Variants in ANGPT1 observed in about 807,000 individuals in gnomAD.
The protein encoded by ANGPT1 is angiopoietin-1.
Under a neutral mutation model 62.2 loss-of-function variants are expected in ANGPT1, and 17 were observed. The ratio of observed to expected loss-of-function variants is 0.27; its 90% CI spans 0.19 to 0.41. The LOEUF (loss-of-function observed/expected upper bound fraction) is 0.41. ANGPT1 is among the 10% of genes least tolerant of loss of function. The probability of loss-of-function intolerance (pLI) is 1.00; values close to 1 mark genes in which losing one functional copy is unlikely to be tolerated. For missense variants in ANGPT1, 478 were observed against 594.9 expected (o/e 0.80, Z 2.04); for synonymous variants, 199 against 198.9 (o/e 1.00, Z 0.00).
intron 1 of ANGPT1, among the ~76,000 whole-genome samples, chr8:107,427,276 T>G (rs1390191449): frequency 6.6e-6 from 1 of 152,168 alleles, no homozygotes; most frequent in African/African-American, 2.4e-5. Flanking sequence ...CAGGGCTGAA[T>G]TTTGTTTCAA....
intron 1 of ANGPT1, among the ~76,000 whole-genome samples, chr8:107,496,435 C>A (rs553246425): frequency 3.9e-5 from 6 of 152,304 alleles, no homozygotes; most frequent in African/African-American, 9.6e-5. Flanking sequence ...TCATACTCAA[C>A]ATTAACATTC....
intron 1 of ANGPT1, among the ~76,000 whole-genome samples, chr8:107,479,460 A>G (rs959473103): frequency 7.9e-5 from 12 of 152,198 alleles, no homozygotes; most frequent in Non-Finnish European, 1.0e-4. Flanking sequence ...TGTTTCATTC[A>G]AGTCCAGATT....
chr8:107,303,355 C>T lies in ANGPT1; in HGVS notation c.821G>A (p.Gly274Glu), dbSNP rs549007148. The T allele has an allele frequency of 2.5e-5, 40 of 1,588,874 alleles. 1 individual carries two copies. The South Asian group carries it at 4.3e-4, about 17-fold the overall frequency. ...LCTKEGVLLKGGKREEEKPFR... is the reference protein window; with the variant it reads ...LCTKEGVLLKEGKREEEKPFR... ...TGGTTTCTCTTCCTCTCTTTTTCCT[C>T]CCTTTAGTAAAACTGCAAAAAAAAA... The change falls in exon 5 of 9, where the codon GGA (glycine) becomes GAA (glutamate). Residue 274 changes from glycine to glutamate, a missense_variant. By Grantham distance (98) the Gly-to-Glu change is moderately conservative (BLOSUM62 -2). Coordinates refer to ENST00000517746, the MANE Select transcript of ANGPT1 (RefSeq NM_001146.5).
intron 1 of ANGPT1, among the ~76,000 whole-genome samples, chr8:107,377,210 A>C (rs533765324): frequency 6.6e-6 from 1 of 152,232 alleles, no homozygotes; most frequent in Non-Finnish European, 1.5e-5. Flanking sequence ...AATTCTAAGT[A>C]TACATCAACA....
rs560256356 is a variant in ANGPT1, at chr8:107,282,467, C to A, written c.1205+2215G>T. Among the ~76,000 whole-genome samples, 3 of 144,048 alleles carry A rather than the reference C, an allele frequency of 2.1e-5. 1 individual carries two copies. The highest frequency in any genetic ancestry group is 4.5e-5 in the Non-Finnish European group (3 of 66,514). 94.5% of individuals were successfully genotyped at this position (144,048 alleles called of 152,430 possible). On this transcript the variant is annotated intron_variant, in intron 7 of 8. Transcript: ENST00000517746. ...GTGTGTGTGTGTGTGCGTGTGTACACATGCATATGCATGTGTGTGAGGCTT... is the reference window on the plus strand; with the variant it reads ...GTGTGTGTGTGTGTGCGTGTGTACAAATGCATATGCATGTGTGTGAGGCTT...
intron 4 of ANGPT1, among the ~76,000 whole-genome samples, chr8:107,310,127 T>C (rs960174202): frequency 2.6e-5 from 4 of 152,176 alleles, no homozygotes; most frequent in African/African-American, 9.6e-5. Flanking sequence ...CCATTTTTTA[T>C]GGAACTATAA....
intron 1 of ANGPT1, among the ~76,000 whole-genome samples, chr8:107,493,694 ATC>A (rs1231003547): frequency 1.3e-5 from 2 of 150,464 alleles, no homozygotes; most frequent in Non-Finnish European, 1.5e-5. Flanking sequence ...TTTATTGCAT[ATC>A]TGTTATAAAT....
intron 1 of ANGPT1, among the ~76,000 whole-genome samples, chr8:107,383,038 A>T (rs1288493262): frequency 6.6e-6 from 1 of 152,124 alleles, no homozygotes; most frequent in Non-Finnish European, 1.5e-5. Flanking sequence ...ACCTCCTCAC[A>T]TCTGTCCATG....
intron 1 of ANGPT1, among the ~76,000 whole-genome samples, chr8:107,383,671 C>T (rs1028326265): frequency 1.3e-5 from 2 of 152,098 alleles, no homozygotes; most frequent in African/African-American, 4.8e-5. Flanking sequence ...CTAGAAGAGA[C>T]ATTCCAACAT....
intron 2 of ANGPT1, 50 bp from the exon 3 acceptor site, chr8:107,336,321 AC>A (rs1321312801): frequency 6.5e-7 from 1 of 1,546,306 alleles, no homozygotes; most frequent in Non-Finnish European, 8.6e-7. Context: ...GAATCAAAGA[AC>A]TTTTTTAAGT....
intron 5 of ANGPT1, among the ~76,000 whole-genome samples, chr8:107,300,437 A>G (rs914222684): frequency 1.3e-5 from 2 of 151,782 alleles, no homozygotes; most frequent in African/African-American, 2.4e-5. Context: ...TGATTATAAT[A>G]GGGAAATAAT....
intron 1 of ANGPT1, among the ~76,000 whole-genome samples, chr8:107,442,387 A>C (rs979227941): frequency 1.3e-5 from 2 of 152,208 alleles, no homozygotes; most frequent in Non-Finnish European, 2.9e-5. Flanking sequence ...GTTACCATCT[A>C]ATCTAGTTTC....
intron 8 of ANGPT1, among the ~76,000 whole-genome samples, chr8:107,255,029 T>C (rs547864316): frequency 8.4e-4 from 127 of 152,014 alleles, no homozygotes; most frequent in African/African-American, 2.9e-3. Flanking sequence ...TCTGCAAATA[T>C]TAACCAATGG....
At chr8:107,283,352 C>T (rs1490069365) in intron 7 of ANGPT1, among the ~76,000 whole-genome samples, 4 of 152,066 alleles carry the variant, frequency 2.6e-5, no homozygotes, top group African/African-American at 9.7e-5. Flanking sequence ...CCCCTCCACC[C>T]CCACCATGAG....
chr8:107,321,950 G>C lies in ANGPT1; in HGVS notation c.754C>G (p.Leu252Val). The part of the protein sequence containing the change: ...TNNSVLQKQQ[L>V]ELMDTVHNLV... The stretch of plus-strand genomic sequence containing the variant: ...TTGTGGACTGTGTCCATCAGCTCCA[G>C]TTGCTGCTTCTGAAGGACACTGTTG... The change falls in exon 4 of 9, where the codon CTG becomes GTG. Residue 252 changes from leucine (L) to valine (V), a missense_variant. Around this residue, in one of 4 missense-constraint regions of ANGPT1, gnomAD observed 343 missense variants for 355.4 expected, o/e 0.97. Coordinates refer to ENST00000517746, the MANE Select transcript of ANGPT1 (RefSeq NM_001146.5). 6.2e-7 allele frequency: 1 copy of C among 1,613,970 alleles called. No homozygotes were observed. The highest frequency in any genetic ancestry group is 8.5e-7 in the Non-Finnish European group (1 of 1,179,874).
intron 1 of ANGPT1, among the ~76,000 whole-genome samples, chr8:107,474,368 T>C (rs1275103587): frequency 6.6e-6 from 1 of 152,130 alleles, no homozygotes; most frequent in Non-Finnish European, 1.5e-5. Context: ...GAAAAGGCCT[T>C]TGACAAAATT....
At chr8:107,305,200 A>T (rs548593231) in intron 4 of ANGPT1, among the ~76,000 whole-genome samples, 2 of 152,092 alleles carry the variant, frequency 1.3e-5, no homozygotes, top group East Asian at 3.9e-4. Flanking sequence ...AGAAAAAGAG[A>T]TGTGAAGAAA....
At chr8:107,345,714 T>C (rs933351834) in intron 2 of ANGPT1, among the ~76,000 whole-genome samples, 3 of 152,152 alleles carry the variant, frequency 2.0e-5, no homozygotes, top group Admixed American at 6.6e-5. Context: ...GCATATATTA[T>C]CAAACTTACT....
chr8:107,321,793 T>A, intron 4 of ANGPT1, 103 bp downstream of exon 4: 1 of 939,848 alleles, frequency 1.1e-6, no homozygotes, highest in Non-Finnish European at 1.6e-6. Flanking sequence ...CTTCTGCTAT[T>A]TTTTACACAG....
Sources: gnomAD v4.1 joint callset for allele counts (sites outside exome capture counted in the v4.1 genomes callset) on GRCh38, gnomAD v4.1.1 for gene constraint, gnomAD v4.1.1 regional missense constraint, MANE v1.5 for transcripts, NCBI Gene and HGNC (gene_info 2026-07-23, HGNC 2026-07-21) for gene names.